The following DYRK1A variants were observed in gnomAD, a reference collection of about 807,000 sequenced individuals.
The protein encoded by DYRK1A is dual specificity tyrosine phosphorylation regulated kinase 1A, also known as dual specificity tyrosine-phosphorylation-regulated kinase 1A.
A neutral mutation model predicts 79.7 loss-of-function variants in DYRK1A; 9 were observed. That is an observed-to-expected ratio of 0.11 (90% CI 0.07 to 0.20). The LOEUF is 0.20. Among genes scored for constraint, DYRK1A ranks in the 10% least tolerant of loss-of-function variants. DYRK1A has a pLI of 1.00. For missense variants in DYRK1A, 622 were observed against 956.0 expected, an observed-to-expected ratio of 0.65 and a Z score of 4.61; for synonymous variants, 349 against 329.7, an observed-to-expected ratio of 1.06 and a Z score of -0.63.
In DYRK1A at chr21:37,493,014, C is replaced by T. The variant is rs1444313022; in HGVS notation, c.925-3C>T. ...AGTAATACTATTTTGAAATATATTT[C>T]AGATATACCAGTATATTCAGAGTCG... On this transcript the variant is annotated splice_region_variant and splice_polypyrimidine_tract_variant and intron_variant, in intron 7 of 11. Transcript: ENST00000647188. The T allele has an allele frequency of 6.3e-7, 1 of 1,587,512 alleles. No individual in the cohort carries two copies. The highest frequency in any genetic ancestry group is 1.7e-5 in the Admixed American group (1 of 59,170).
chr21:37,469,668 G>A (rs1835971475), intron 2 of DYRK1A, among the ~76,000 whole-genome samples: 1 of 152,160 alleles, frequency 6.6e-6, no homozygotes, highest in African/African-American at 2.4e-5. Context: ...GGCAAAAGGG[G>A]GAGGTGCCAC....
At chr21:37,467,644 T>G (rs1826458855) in intron 2 of DYRK1A, among the ~76,000 whole-genome samples, 1 of 152,196 alleles carries the variant, frequency 6.6e-6, no homozygotes. Flanking sequence ...TTAATAAAAG[T>G]CAGCATCTAT....
At chr21:37,505,700 CT>C in intron 10 of DYRK1A, 111 bp downstream of exon 10, 1 of 1,191,730 alleles carries the variant, frequency 8.4e-7, no homozygotes, top group Non-Finnish European at 1.2e-6. Flanking sequence ...GGAGCAGTTA[CT>C]TTACTTAAAT....
intron 1 of DYRK1A, among the ~76,000 whole-genome samples, chr21:37,390,068 T>C (rs1016859414): frequency 6.6e-6 from 1 of 151,888 alleles, no homozygotes; most frequent in Admixed American, 6.6e-5. Flanking sequence ...GGCTTGCAGT[T>C]GTGAGCCACT....
At chr21:37,492,510 G>A (rs1415469797) in intron 7 of DYRK1A, among the ~76,000 whole-genome samples, 1 of 152,118 alleles carries the variant, frequency 6.6e-6, no homozygotes, top group Non-Finnish European at 1.5e-5. Context: ...ATGTGGCAGT[G>A]TTTCTGGGAT....
intron 1 of DYRK1A, among the ~76,000 whole-genome samples, chr21:37,406,403 T>C (rs1034469654): frequency 2.0e-5 from 3 of 152,092 alleles, no homozygotes; most frequent in African/African-American, 4.8e-5. Context: ...CTTGAAAATA[T>C]AAAGTGATGG....
intron 5 of DYRK1A, among the ~76,000 whole-genome samples, chr21:37,485,493 GAGAACA>G (rs2052825252): frequency 1.3e-5 from 2 of 152,144 alleles, no homozygotes; most frequent in African/African-American, 4.8e-5. Context: ...ATGAAGATCT[GAGAACA>G]TACGTTTCAT....
chr21:37,500,784 A>G (rs1312696661), intron 9 of DYRK1A, among the ~76,000 whole-genome samples: 1 of 151,866 alleles, frequency 6.6e-6, no homozygotes, highest in African/African-American at 2.4e-5. Context: ...TTTTTTTAAT[A>G]TCTAGAGAAT....
At chr21:37,443,939 A>G (rs796959806) in intron 2 of DYRK1A, among the ~76,000 whole-genome samples, 3 of 152,292 alleles carry the variant, frequency 2.0e-5, no homozygotes, top group African/African-American at 7.2e-5. Flanking sequence ...ATTCTGAGGT[A>G]CTGGGGTTAG....
chr21:37,404,054 G>A (rs1216358038), intron 1 of DYRK1A, among the ~76,000 whole-genome samples: 1 of 152,020 alleles, frequency 6.6e-6, no homozygotes, highest in Non-Finnish European at 1.5e-5. Flanking sequence ...CTAGAGTGTG[G>A]TTCTTAGTCT....
intron 5 of DYRK1A, 50 bp downstream of exon 5, chr21:37,480,876 G>A: frequency 6.8e-7 from 1 of 1,464,400 alleles, no homozygotes; most frequent in Middle Eastern, 2.2e-4. Flanking sequence ...GAACTTCTTA[G>A]TGAATCTTGT....
At chr21:37,482,542 G>A (rs1007392022) in intron 5 of DYRK1A, among the ~76,000 whole-genome samples, 4 of 152,146 alleles carry the variant, frequency 2.6e-5, no homozygotes, top group African/African-American at 4.8e-5. Context: ...GAGGCAGGGC[G>A]AGATCGCAGG....
At chr21:37,388,471 T>C (rs1441275049) in intron 1 of DYRK1A, among the ~76,000 whole-genome samples, 5 of 152,192 alleles carry the variant, frequency 3.3e-5, no homozygotes, top group African/African-American at 9.7e-5. Context: ...ATAAGGATGC[T>C]GTAGCACCAA....
At position 37,496,211 on chromosome 21, in the gene DYRK1A, T is replaced by C. The variant is rs1417954535; in HGVS notation, c.1165T>C (p.Leu389=). ...AAAAGCAAGAAAGTTCTTTGAGAAG[T>C]TGCCAGATGGCACTTGGAACTTAAA... ...APKARKFFEK[L]PDGTWNLKKT... is the part of the protein sequence containing the mutation. The change falls in exon 9 of 12, where the codon TTG becomes CTG. Residue 389 remains leucine, a synonymous_variant. Coordinates refer to ENST00000647188, the MANE Select transcript of DYRK1A (RefSeq NM_001347721.2). 12 of 1,614,118 alleles carry C rather than the reference T, an allele frequency of 7.4e-6. No homozygotes were observed. Among genetic ancestry groups the C allele is most frequent in the Non-Finnish European group, 1.0e-5 (12 of 1,179,998 alleles).
chr21:37,374,591 C>T (rs985738425), intron 1 of DYRK1A, among the ~76,000 whole-genome samples: 2 of 151,794 alleles, frequency 1.3e-5, no homozygotes, highest in South Asian at 2.1e-4. Flanking sequence ...CTCGCTCTGT[C>T]GCCCAGGCTG....
Position 37,489,955 on chromosome 21 carries a change from A to C in DYRK1A, c.638-220A>C, listed in dbSNP as rs561532831. Among the ~76,000 whole-genome samples, 9 of 152,278 alleles carry C rather than the reference A, an allele frequency of 5.9e-5. No individual in the cohort carries two copies. The South Asian group carries it at 1.9e-3, about 32-fold the overall frequency. Reference sequence around the variant, plus strand: ...TTGGTAGCACTGCTTACCTTATATCACTTACCGACATATGCTGTACCTGTT... The same window carrying C: ...TTGGTAGCACTGCTTACCTTATATCCCTTACCGACATATGCTGTACCTGTT... On this transcript the variant is annotated intron_variant, in intron 6 of 11. Coordinates refer to ENST00000647188, the MANE Select transcript of DYRK1A (RefSeq NM_001347721.2).
chr21:37,488,436 G>T, intron 6 of DYRK1A: 3 of 709,842 alleles, frequency 4.2e-6, no homozygotes, highest in Non-Finnish European at 5.2e-6. Flanking sequence ...GAGTTTTATT[G>T]TCTTGTCTTT....
intron 2 of DYRK1A, among the ~76,000 whole-genome samples, chr21:37,465,070 T>G (rs13046025): frequency 0.042 from 6,392 of 152,308 alleles, 175 homozygotes; most frequent in Middle Eastern, 0.093. Context: ...AAGGAGACAA[T>G]GAGCATGTGG....
At chr21:37,398,228 T>C (rs11701722) in intron 1 of DYRK1A, among the ~76,000 whole-genome samples, 41,708 of 151,178 alleles carry the variant, frequency 0.28, 5,987 homozygotes, top group South Asian at 0.37. Flanking sequence ...CCTGTAATCC[T>C]AGCTACTCTG....
Sources: allele counts gnomAD v4.1 joint callset (sites outside exome capture counted in the v4.1 genomes callset), GRCh38; gene constraint gnomAD v4.1.1; transcripts MANE v1.5; gene names NCBI Gene and HGNC (gene_info 2026-07-23, HGNC 2026-07-21).